MECOM: variants seen among roughly 807,000 people sequenced by gnomAD.
MECOM encodes the protein histone-lysine N-methyltransferase MECOM.
MECOM carries 13 observed loss-of-function variants against 116.3 expected under a neutral mutation model. The observed-to-expected ratio is 0.11, with a 90% CI of 0.07 to 0.18. The LOEUF is 0.18. Among genes scored for constraint, MECOM ranks in the 10% least tolerant of loss-of-function variants. MECOM has a pLI of 1.00. For synonymous variants in MECOM, 528 were observed against 535.2 expected, an observed-to-expected ratio of 0.99 and a Z score of 0.19; for missense variants, 1,299 against 1,509.0, an observed-to-expected ratio of 0.86 and a Z score of 2.31.
intron 2 of MECOM, among the ~76,000 whole-genome samples, chr3:169,292,839 A>G (rs192551663): frequency 6.6e-5 from 10 of 152,294 alleles, no homozygotes; most frequent in Non-Finnish European, 1.5e-5. Context: ...ATCTGGATCA[A>G]ATTATATTCA....
intron 2 of MECOM, among the ~76,000 whole-genome samples, chr3:169,292,519 G>A (rs1305412181): frequency 1.3e-5 from 2 of 152,136 alleles, no homozygotes; most frequent in Non-Finnish European, 2.9e-5. Context: ...ATTCTACTGT[G>A]AGCTCTGTGC....
chr3:169,403,533 T>C (rs993680863), intron 1 of MECOM, among the ~76,000 whole-genome samples: 1 of 152,346 alleles, frequency 6.6e-6, no homozygotes, highest in East Asian at 1.9e-4. Context: ...AATTGCAATA[T>C]ACTTCTAGGC....
intron 2 of MECOM, among the ~76,000 whole-genome samples, chr3:169,156,589 C>T (rs974210055): frequency 6.6e-6 from 1 of 152,116 alleles, no homozygotes; most frequent in East Asian, 1.9e-4. Flanking sequence ...TCTAGCCAAT[C>T]GATCCTTTGC....
intron 1 of MECOM, among the ~76,000 whole-genome samples, chr3:169,469,639 C>T (rs182501966): frequency 6.6e-6 from 1 of 152,214 alleles, no homozygotes; most frequent in Admixed American, 6.5e-5. Context: ...CCTTTCAACT[C>T]TCCAGCAACG....
At chr3:169,648,507 G>A (rs1335832143) in intron 1 of MECOM, among the ~76,000 whole-genome samples, 2 of 152,168 alleles carry the variant, frequency 1.3e-5, no homozygotes, top group African/African-American at 2.4e-5. Context: ...AACAGAATAC[G>A]TAAATCACTC....
At chr3:169,643,480 G>C (rs778637059) in intron 1 of MECOM, among the ~76,000 whole-genome samples, 1 of 152,006 alleles carries the variant, frequency 6.6e-6, no homozygotes, top group Non-Finnish European at 1.5e-5. Flanking sequence ...CTGCCATCCC[G>C]TATCCCACCC....
At chr3:169,253,419 CT>C (rs1756477300) in intron 2 of MECOM, among the ~76,000 whole-genome samples, 1 of 149,684 alleles carries the variant, frequency 6.7e-6, no homozygotes, top group Non-Finnish European at 1.5e-5. Context: ...AGCTATTCGA[CT>C]TCTTTTCCTA....
chr3:169,116,532 C>G lies in MECOM; in HGVS notation c.1340G>C (p.Gly447Ala). 1 of 1,614,102 alleles carries G rather than the reference C, an allele frequency of 6.2e-7. No individual in the cohort carries two copies. The highest frequency in any genetic ancestry group is 8.5e-7 in the Non-Finnish European group (1 of 1,179,996). Reference protein sequence around the residue: ...GFFGQGISLPGTPAMDKTSMV... With the variant: ...GFFGQGISLPATPAMDKTSMV... Reference sequence around the variant, plus strand: ...GGACGTTTTATCCATAGCTGGGGTTCCAGGAAGTGAAATGCCTTGGCCAAA... The same window carrying G: ...GGACGTTTTATCCATAGCTGGGGTTGCAGGAAGTGAAATGCCTTGGCCAAA... Residue 447 changes from glycine (G) to alanine (A), a missense_variant, in exon 8 of 17, where the codon GGA becomes GCA. This residue lies in a region of MECOM where 238 missense variants were observed against 273.1 expected (regional missense o/e 0.87). Coordinates refer to ENST00000651503, the MANE Select transcript of MECOM (RefSeq NM_004991.4).
At chr3:169,556,515 A>C (rs1291772405) in intron 1 of MECOM, among the ~76,000 whole-genome samples, 1 of 152,082 alleles carries the variant, frequency 6.6e-6, no homozygotes, top group Non-Finnish European at 1.5e-5. Context: ...TGGTAGCCAG[A>C]CTCTTAAGAT....
At chr3:169,562,601 G>A (rs551346572) in intron 1 of MECOM, among the ~76,000 whole-genome samples, 11 of 152,066 alleles carry the variant, frequency 7.2e-5, no homozygotes, top group Admixed American at 2.0e-4. Flanking sequence ...TAACCTTTCC[G>A]CCTCCTGGAA....
chr3:169,524,706 G>A (rs141497844), intron 1 of MECOM, among the ~76,000 whole-genome samples: 46 of 152,300 alleles, frequency 3.0e-4, no homozygotes, highest in Middle Eastern at 3.4e-3. Context: ...TGGAGTAATT[G>A]CTCATGGCCT....
chr3:169,267,177 G>A (rs1303787456), intron 2 of MECOM, among the ~76,000 whole-genome samples: 1 of 152,232 alleles, frequency 6.6e-6, no homozygotes, highest in Non-Finnish European at 1.5e-5. Context: ...AAGTTAGAAG[G>A]ATCCAGGGTT....
At chr3:169,602,870 T>C (rs1767989767) in intron 1 of MECOM, among the ~76,000 whole-genome samples, 1 of 152,184 alleles carries the variant, frequency 6.6e-6, no homozygotes, top group African/African-American at 2.4e-5. Flanking sequence ...AGTTTTGAAA[T>C]GCTCGTTAGA....
intron 1 of MECOM, among the ~76,000 whole-genome samples, chr3:169,435,293 G>C (rs540587307): frequency 2.6e-5 from 4 of 152,236 alleles, no homozygotes; most frequent in Admixed American, 6.5e-5. Context: ...ATTTGTTCCC[G>C]TGACAATATT....
chr3:169,485,978 A>ATG, intron 1 of MECOM, among the ~76,000 whole-genome samples: 3 of 117,832 alleles, frequency 2.5e-5, no homozygotes, highest in Admixed American at 1.9e-4. Context: ...ATATACATAT[A>ATG]TATATAGTAT....
At chr3:169,382,876 A>AG (rs138284919) in intron 1 of MECOM, among the ~76,000 whole-genome samples, 184 of 127,568 alleles carry the variant, frequency 1.4e-3, no homozygotes, top group East Asian at 6.5e-3. Context: ...AAAAAAAATA[A>AG]AAAAAGAAGG....
chr3:169,279,926 T>C (rs1711566493), intron 2 of MECOM, among the ~76,000 whole-genome samples: 1 of 152,214 alleles, frequency 6.6e-6, no homozygotes, highest in Non-Finnish European at 1.5e-5. Flanking sequence ...TGATATTTCA[T>C]TGTTGTTACA....
chr3:169,122,773 A>G (rs1162152263), intron 5 of MECOM, 46 bp from the exon 6 acceptor site: 1 of 1,595,168 alleles, frequency 6.3e-7, no homozygotes. Context: ...ATGCATTCAT[A>G]AACGGAACAA....
intron 2 of MECOM, among the ~76,000 whole-genome samples, chr3:169,148,669 TA>T (rs1422892344): frequency 6.6e-6 from 1 of 152,170 alleles, no homozygotes; most frequent in African/African-American, 2.4e-5. Flanking sequence ...TGCTGACGGT[TA>T]AACTTTAGCT....
Sources: allele counts gnomAD v4.1 joint callset (sites outside exome capture counted in the v4.1 genomes callset), GRCh38; gene constraint gnomAD v4.1.1; regional missense constraint gnomAD v4.1.1; transcripts MANE v1.5; gene names NCBI Gene and HGNC (gene_info 2026-07-23, HGNC 2026-07-21).